Variants in NOL4 observed in about 807,000 individuals in gnomAD.
NOL4 encodes the protein cancer/testis antigen 125.
In NOL4, 17 loss-of-function variants were observed where a neutral mutation model predicts 75.9. The observed-to-expected ratio is 0.22, with a 90% CI of 0.15 to 0.34. NOL4 has a LOEUF of 0.34. Among genes scored for constraint, NOL4 ranks in the 10% least tolerant of loss-of-function variants. The probability of loss-of-function intolerance (pLI) is 1.00; values close to 1 mark genes in which losing one functional copy is unlikely to be tolerated. For missense variants in NOL4, 614 were observed against 793.5 expected (o/e 0.77, Z 2.72); for synonymous variants, 292 against 289.9 (o/e 1.01, Z -0.07).
chr18:33,960,705 T>C (rs1198352853), intron 6 of NOL4, among the ~76,000 whole-genome samples: 1 of 152,180 alleles, frequency 6.6e-6, no homozygotes, highest in Non-Finnish European at 1.5e-5. Context: ...ATTTTCCCAA[T>C]GTCACATAGC....
At chr18:34,045,192 C>T (rs2076310200) in intron 5 of NOL4, among the ~76,000 whole-genome samples, 1 of 152,136 alleles carries the variant, frequency 6.6e-6, no homozygotes, top group Admixed American at 6.6e-5. Context: ...GGCTAACAGG[C>T]ATGAGCCACT....
rs2037483723 is a variant in NOL4 at position 34,224,062 on chromosome 18, G to A, written c.-809C>T. The A allele has an allele frequency of 6.6e-6, 1 of 152,198 alleles. No homozygotes were observed. The highest frequency in any genetic ancestry group is 1.5e-5 in the Non-Finnish European group (1 of 68,034). 9.4% of individuals were successfully genotyped at this position (152,198 alleles called of 1,614,324 possible). On this transcript the variant is annotated 5_prime_UTR_variant, in exon 1 of 11. Transcript: ENST00000261592. Reference sequence around the variant, plus strand: ...GAGTTAAGTCCCAGAAATTAGCAAAGCATTGATGGAGATTTGGCCATAGTT... The same window carrying A: ...GAGTTAAGTCCCAGAAATTAGCAAAACATTGATGGAGATTTGGCCATAGTT...
intron 4 of NOL4, among the ~76,000 whole-genome samples, chr18:34,097,506 G>C (rs1457490523): frequency 6.6e-6 from 1 of 152,168 alleles, no homozygotes; most frequent in African/African-American, 2.4e-5. Context: ...TGCTGTTCAA[G>C]AAAACATTGT....
chr18:33,894,308 T>C (rs1231058624), intron 9 of NOL4, among the ~76,000 whole-genome samples: 1 of 152,130 alleles, frequency 6.6e-6, no homozygotes, highest in Non-Finnish European at 1.5e-5. Flanking sequence ...GAAGTGATTT[T>C]TGATGGCATC....
At chr18:33,890,736 A>G (rs1029246038) in intron 9 of NOL4, among the ~76,000 whole-genome samples, 1 of 152,160 alleles carries the variant, frequency 6.6e-6, no homozygotes, top group Non-Finnish European at 1.5e-5. Context: ...CTTATTAGAC[A>G]TTAAAAATGA....
intron 6 of NOL4, among the ~76,000 whole-genome samples, chr18:33,994,992 A>C (rs569170589): frequency 3.6e-4 from 54 of 151,766 alleles, no homozygotes; most frequent in African/African-American, 1.3e-3. Flanking sequence ...TACTATGAAC[A>C]ATTAAATGCC....
At chr18:34,054,813 C>G (rs2076767933) in intron 5 of NOL4, among the ~76,000 whole-genome samples, 1 of 151,466 alleles carries the variant, frequency 6.6e-6, no homozygotes, top group African/African-American at 2.4e-5. Flanking sequence ...TTTTCTTTGT[C>G]TTTTGTTGAC....
intron 1 of NOL4, among the ~76,000 whole-genome samples, chr18:34,132,472 GATA>G (rs1228405207): frequency 6.6e-6 from 1 of 152,110 alleles, no homozygotes; most frequent in Non-Finnish European, 1.5e-5. Context: ...TGTTTGTCAG[GATA>G]ATATTAAAAT....
intron 10 of NOL4, among the ~76,000 whole-genome samples, chr18:33,878,765 A>G (rs1473854554): frequency 6.6e-6 from 1 of 152,144 alleles, no homozygotes; most frequent in Non-Finnish European, 1.5e-5. Context: ...AAAAAAATAC[A>G]TCGGAAGTTC....
chr18:34,007,654 T>C (rs528174990), intron 6 of NOL4, among the ~76,000 whole-genome samples: 1 of 152,156 alleles, frequency 6.6e-6, no homozygotes, highest in Admixed American at 6.6e-5. Flanking sequence ...GTACTGACGC[T>C]ATATTAGGGT....
intron 6 of NOL4, among the ~76,000 whole-genome samples, chr18:33,976,883 T>G (rs2071528247): frequency 6.6e-6 from 1 of 152,160 alleles, no homozygotes; most frequent in Admixed American, 6.5e-5. Flanking sequence ...ATATAAATAT[T>G]TATTTCACTG....
chr18:33,960,958 T>A (rs533593482), intron 6 of NOL4, among the ~76,000 whole-genome samples: 1 of 152,212 alleles, frequency 6.6e-6, no homozygotes, highest in South Asian at 2.1e-4. Context: ...CCTGAGCCAA[T>A]CTAATAGAAT....
At chr18:34,217,377 C>T (rs1373425753) in intron 1 of NOL4, among the ~76,000 whole-genome samples, 3 of 151,846 alleles carry the variant, frequency 2.0e-5, no homozygotes, top group Admixed American at 6.6e-5. Context: ...CTCCGCCTCC[C>T]GGGTTCAAGC....
At chr18:34,061,784 CATA>C (rs1159915409) in intron 5 of NOL4, among the ~76,000 whole-genome samples, 2 of 151,942 alleles carry the variant, frequency 1.3e-5, no homozygotes, top group Non-Finnish European at 2.9e-5. Flanking sequence ...TATTTTTATT[CATA>C]ATATTATAAA....
chr18:34,180,449 A>T (rs1027328624), intron 1 of NOL4, among the ~76,000 whole-genome samples: 1 of 151,574 alleles, frequency 6.6e-6, no homozygotes, highest in African/African-American at 2.4e-5. Flanking sequence ...ATGACAAAAA[A>T]GCTCAACAAA....
chr18:34,188,243 TA>T (rs200430274), intron 1 of NOL4, among the ~76,000 whole-genome samples: 3 of 151,296 alleles, frequency 2.0e-5, no homozygotes, highest in Admixed American at 6.6e-5. Flanking sequence ...AGGACTGTAG[TA>T]AAAAAAAATG....
chr18:34,151,158 C>T (rs2081621176), intron 1 of NOL4, among the ~76,000 whole-genome samples: 1 of 151,796 alleles, frequency 6.6e-6, no homozygotes, highest in African/African-American at 2.4e-5. Context: ...TTGGCACTTT[C>T]TGATAAAACT....
At chr18:33,903,974 A>T (rs1007858831) in intron 9 of NOL4, among the ~76,000 whole-genome samples, 19 of 152,186 alleles carry the variant, frequency 1.2e-4, no homozygotes, top group Admixed American at 4.6e-4. Flanking sequence ...AAACTAGTTC[A>T]AACTCTCCAA....
chr18:34,062,788 G>T (rs991298832), intron 5 of NOL4, among the ~76,000 whole-genome samples: 1 of 152,050 alleles, frequency 6.6e-6, no homozygotes, highest in Non-Finnish European at 1.5e-5. Flanking sequence ...TTTTATACTA[G>T]CAGATAGAAA....
Sources: allele counts gnomAD v4.1 joint callset (sites outside exome capture counted in the v4.1 genomes callset), GRCh38; gene constraint gnomAD v4.1.1; transcripts MANE v1.5; gene names NCBI Gene and HGNC (gene_info 2026-07-23, HGNC 2026-07-21).